The following LOC112694756 variants were observed in gnomAD, a reference collection of about 807,000 sequenced individuals.
chr16:30,064,171 G>T, the LOC112694756 span: 1 of 398,308 alleles, frequency 2.5e-6, no homozygotes, highest in Non-Finnish European at 4.4e-6. Flanking sequence ...GTTATAGGAG[G>T]AGTCTGGCCC....
the LOC112694756 span, among the ~76,000 whole-genome samples, chr16:30,061,642 C>T: frequency 1.4e-5 from 2 of 145,778 alleles, no homozygotes; most frequent in African/African-American, 5.0e-5. Flanking sequence ...TTACTGCAAC[C>T]TCTGCCTCCC....
the LOC112694756 span, chr16:30,067,034 G>A: frequency 1.3e-6 from 2 of 1,578,308 alleles, no homozygotes; most frequent in South Asian, 2.3e-5. Flanking sequence ...ACAGAGTTAG[G>A]AAAGGTACAG....
the LOC112694756 span, chr16:30,069,147 G>T: frequency 7.5e-7 from 1 of 1,331,720 alleles, no homozygotes; most frequent in East Asian, 2.5e-5. Context: ...GAGGGATGGT[G>T]GGTGGATCTG....
At chr16:30,056,283 A>AT in the LOC112694756 span, among the ~76,000 whole-genome samples, 1 of 149,198 alleles carries the variant, frequency 6.7e-6, no homozygotes, top group Non-Finnish European at 1.5e-5. Context: ...TAATTTTTGT[A>AT]TTTTTAGTAG....
chr16:30,067,248 C>G, the LOC112694756 span: 1 of 1,612,152 alleles, frequency 6.2e-7, no homozygotes, highest in Admixed American at 1.7e-5. Flanking sequence ...TTGCTACTAC[C>G]AGCACCATGC....
chr16:30,069,817 C>T, the LOC112694756 span: 1 of 1,614,096 alleles, frequency 6.2e-7, no homozygotes, highest in South Asian at 1.1e-5. Flanking sequence ...CTCGCCTCAC[C>T]CCTGCTCTAC....
the LOC112694756 span, among the ~76,000 whole-genome samples, chr16:30,056,173 A>T: frequency 1.1e-4 from 14 of 132,288 alleles, no homozygotes; most frequent in Admixed American, 1.7e-4. Context: ...ACAGTGGTGT[A>T]ATCTCAGCTC....
the LOC112694756 span, among the ~76,000 whole-genome samples, chr16:30,062,509 CAA>C: frequency 7.8e-6 from 1 of 128,824 alleles, no homozygotes; most frequent in Non-Finnish European, 1.6e-5. Flanking sequence ...TCCAGCCTGG[CAA>C]CAGAGCGAGA....
the LOC112694756 span, chr16:30,070,313 GCT>G: frequency 8.8e-7 from 1 of 1,142,378 alleles, no homozygotes; most frequent in Admixed American, 1.8e-5. Context: ...GCTTGCCCGC[GCT>G]CTTTCTTCCC....
the LOC112694756 span, among the ~76,000 whole-genome samples, chr16:30,054,326 T>G: frequency 6.6e-6 from 1 of 151,802 alleles, no homozygotes; most frequent in South Asian, 2.1e-4. Flanking sequence ...ATAAGAATAA[T>G]AATAATAAAA....
the LOC112694756 span, among the ~76,000 whole-genome samples, chr16:30,060,731 C>A: frequency 6.6e-6 from 1 of 152,090 alleles, no homozygotes; most frequent in African/African-American, 2.4e-5. Context: ...GTGATTTCAT[C>A]CCCAGACTGA....
chr16:30,060,780 C>T, the LOC112694756 span, among the ~76,000 whole-genome samples: 1 of 152,280 alleles, frequency 6.6e-6, no homozygotes, highest in South Asian at 2.1e-4. Flanking sequence ...CCTCATCAAA[C>T]ACAAGAAAAT....
At chr16:30,067,101 C>T in the LOC112694756 span, 1 of 1,569,818 alleles carries the variant, frequency 6.4e-7, no homozygotes, top group Non-Finnish European at 8.6e-7. Context: ...CCAGAAGTGC[C>T]CCAGGGCCTG....
the LOC112694756 span, among the ~76,000 whole-genome samples, chr16:30,060,161 TAGAG>T: frequency 1.3e-5 from 2 of 151,910 alleles, no homozygotes; most frequent in African/African-American, 2.4e-5. Flanking sequence ...GTATTTTTAA[TAGAG>T]ATGATGTTTC....
the LOC112694756 span, among the ~76,000 whole-genome samples, chr16:30,065,012 G>T: frequency 1.3e-5 from 2 of 152,248 alleles, no homozygotes; most frequent in Non-Finnish European, 2.9e-5. Flanking sequence ...GCCGAGCAGC[G>T]GCCGGTGCAT....
chr16:30,066,966 C>G, the LOC112694756 span: 4 of 1,552,966 alleles, frequency 2.6e-6, no homozygotes, highest in Non-Finnish European at 3.5e-6. Flanking sequence ...TGGCCTTTTC[C>G]TTTCCCCCAG....
At chr16:30,068,436 A>G in the LOC112694756 span, 1 of 648,628 alleles carries the variant, frequency 1.5e-6, no homozygotes, top group African/African-American at 1.8e-5. Context: ...TAAGGGATTA[A>G]GTAAATGTGG....
the LOC112694756 span, among the ~76,000 whole-genome samples, chr16:30,061,730 T>G: frequency 6.6e-6 from 1 of 151,374 alleles, no homozygotes; most frequent in Non-Finnish European, 1.5e-5. Flanking sequence ...CAGCTAATTT[T>G]TGTGTTTTTA....
At chr16:30,065,464 C>T in the LOC112694756 span, among the ~76,000 whole-genome samples, 3 of 152,222 alleles carry the variant, frequency 2.0e-5, no homozygotes, top group South Asian at 6.2e-4. Context: ...TCCCCCATTG[C>T]CAACATTCTG....
Sources: allele counts gnomAD v4.1 joint callset (sites outside exome capture counted in the v4.1 genomes callset), GRCh38; gene constraint gnomAD v4.1.1; transcripts MANE v1.5.